LRP6: variants seen among roughly 807,000 people sequenced by gnomAD.
LRP6 encodes the protein low-density lipoprotein receptor-related protein 6.
Under a neutral mutation model 184.1 loss-of-function variants are expected in LRP6, and 43 were observed. The ratio of observed to expected loss-of-function variants is 0.23; its 90% CI spans 0.18 to 0.30. The LOEUF is 0.30. LRP6 is among the 10% of genes least tolerant of loss of function. The pLI is 1.00. For missense variants in LRP6, 1,571 were observed against 2,005.3 expected, an observed-to-expected ratio of 0.78 and a Z score of 4.14; for synonymous variants, 719 against 684.9, an observed-to-expected ratio of 1.05 and a Z score of -0.78.
At chr12:12,199,039 A>G (rs1863845652) in intron 3 of LRP6, among the ~76,000 whole-genome samples, 2 of 152,202 alleles carry the variant, frequency 1.3e-5, no homozygotes, top group South Asian at 2.1e-4. Context: ...AAACCATGCA[A>G]CAAGCCACCA....
chr12:12,246,845 T>A (rs926648726), intron 1 of LRP6, among the ~76,000 whole-genome samples: 3 of 152,160 alleles, frequency 2.0e-5, no homozygotes, highest in Admixed American at 2.0e-4. Flanking sequence ...AAGAAAAAAG[T>A]GATGTTTACA....
At chr12:12,131,697 A>G (rs1949760289) in intron 18 of LRP6, 124 bp downstream of exon 18, 1 of 797,242 alleles carries the variant, frequency 1.3e-6, no homozygotes, top group Non-Finnish European at 2.3e-6. Flanking sequence ...CACTATGATC[A>G]GAAGTGATAC....
intron 12 of LRP6, among the ~76,000 whole-genome samples, chr12:12,158,297 A>G (rs986633107): frequency 1.3e-5 from 2 of 152,136 alleles, no homozygotes; most frequent in Non-Finnish European, 2.9e-5. Flanking sequence ...TTTACACTTA[A>G]TATTTAATGT....
chr12:12,150,657 A>G (rs1181730752), intron 13 of LRP6, among the ~76,000 whole-genome samples, 179 bp downstream of exon 13: 2 of 152,196 alleles, frequency 1.3e-5, no homozygotes, highest in African/African-American at 4.8e-5. Context: ...ATCATCATCA[A>G]ACAATTGCTT....
intron 4 of LRP6, among the ~76,000 whole-genome samples, chr12:12,186,232 GTATAAGCCTAGCA>G (rs1863470420): frequency 6.6e-6 from 1 of 152,124 alleles, no homozygotes; most frequent in Non-Finnish European, 1.5e-5. Flanking sequence ...ACTCATTTGT[GTATAAGCCTAGCA>G]TATAAGCTAT....
intron 1 of LRP6, chr12:12,248,902 C>T (rs1865255873): frequency 3.0e-6 from 1 of 338,766 alleles, no homozygotes; most frequent in Admixed American, 4.4e-5. Context: ...AAACCTTCCA[C>T]TTCCTATATA....
At chr12:12,261,998 T>G (rs1200750752) in intron 1 of LRP6, among the ~76,000 whole-genome samples, 1 of 152,076 alleles carries the variant, frequency 6.6e-6, no homozygotes, top group Non-Finnish European at 1.5e-5. Context: ...ATCCCAACAC[T>G]TTGGGAGGCA....
rs563616862 is a variant in LRP6 at position 12,197,499 on chromosome 12, T to C, written c.647+5704A>G. Among the ~76,000 whole-genome samples, 4 of 152,296 alleles carry C rather than the reference T, an allele frequency of 2.6e-5. No individual in the cohort carries two copies. The East Asian group carries it at 7.7e-4, about 29-fold the overall frequency. On this transcript the variant is annotated intron_variant, in intron 3 of 22. Coordinates refer to ENST00000261349, the MANE Select transcript of LRP6 (RefSeq NM_002336.3). ...ACAGTCAGGAAACAAACAAACACAGTTGGGTACATATATTTTTGAAAGATA... is the reference window on the plus strand; with the variant it reads ...ACAGTCAGGAAACAAACAAACACAGCTGGGTACATATATTTTTGAAAGATA...
intron 7 of LRP6, 99 bp from the exon 8 acceptor site, chr12:12,165,394 T>A (rs1183820403): frequency 4.8e-6 from 4 of 841,732 alleles, no homozygotes; most frequent in Admixed American, 1.7e-5. Flanking sequence ...AATCCAAGAG[T>A]CATCTTGGTA....
At chr12:12,252,362 C>G (rs1865344526) in intron 1 of LRP6, among the ~76,000 whole-genome samples, 1 of 152,126 alleles carries the variant, frequency 6.6e-6, no homozygotes, top group Admixed American at 6.5e-5. Flanking sequence ...ATTCCCTTTA[C>G]CTTGTAAAAG....
Position 12,143,014 on chromosome 12 carries a change from A to T in LRP6, c.3397+4352T>A, listed in dbSNP as rs1591880278. Among the ~76,000 whole-genome samples the T allele has an allele frequency of 2.0e-5, 3 of 152,188 alleles. No homozygotes were observed. In the South Asian group the frequency reaches 6.2e-4, roughly 31 times the overall value. ...AACTCTCATTATTTGAAGAAACATG[A>T]TTCTATAACATAAAAAATCCTAAAG... On this transcript the variant is annotated intron_variant, in intron 15 of 22. Transcript: ENST00000261349.
At chr12:12,262,921 T>A (rs1227014135) in intron 1 of LRP6, among the ~76,000 whole-genome samples, 1 of 152,078 alleles carries the variant, frequency 6.6e-6, no homozygotes. Context: ...AATAAACTGG[T>A]GAGGCTCAAA....
At chr12:12,203,582 TG>T (rs1466315509) in intron 2 of LRP6, among the ~76,000 whole-genome samples, 182 bp from the exon 3 acceptor site, 2 of 152,040 alleles carry the variant, frequency 1.3e-5, no homozygotes, top group Non-Finnish European at 2.9e-5. Context: ...CTGGCCAACA[TG>T]GTAAAAACCC....
rs1863300573 is a variant in LRP6 at position 12,179,900 on chromosome 12, A to G, written c.1455T>C (p.Val485=). Residue 485 remains valine, a synonymous_variant, in exon 7 of 23, where the codon GTT becomes GTC. Transcript: ENST00000261349. ...CATTTGGCCAACCAAGAGAAGTGTT[A>G]ACCAATACTACACGGTCAGAACCAT... The part of the protein sequence containing the change: ...ALDGSDRVVL[V]NTSLGWPNGL... The G allele has an allele frequency of 6.2e-7, 1 of 1,613,898 alleles. No homozygotes were observed. The highest frequency in any genetic ancestry group is 1.3e-5 in the African/African-American group (1 of 74,930).
chr12:12,137,502 G>C (rs138734932), intron 16 of LRP6, among the ~76,000 whole-genome samples: 1,844 of 152,136 alleles, frequency 0.012, 41 homozygotes, highest in African/African-American at 0.041. Context: ...TATCCCAAAG[G>C]GGGGGAAAAA....
At chr12:12,254,719 AG>A (rs1865418073) in intron 1 of LRP6, among the ~76,000 whole-genome samples, 1 of 152,244 alleles carries the variant, frequency 6.6e-6, no homozygotes, top group Non-Finnish European at 1.5e-5. Context: ...TCTAAGTTAC[AG>A]TTGACTTTAT....
intron 7 of LRP6, among the ~76,000 whole-genome samples, chr12:12,169,234 GATAATA>G (rs544964479): frequency 6.7e-6 from 1 of 148,706 alleles, no homozygotes; most frequent in East Asian, 1.9e-4. Flanking sequence ...GCCTCAAAAT[GATAATA>G]ATAATAATAA....
In LRP6 at chr12:12,266,670, A is replaced by T. The variant is rs748581545; in HGVS notation, c.55+11T>A. 6.5e-6 allele frequency: 10 copies of T among 1,534,362 alleles called. No individual in the cohort carries two copies. The African/African-American group carries it at 6.8e-5, about 10-fold the overall frequency. ...ACCCCACCAACTTTCCAGTGCCCCC[A>T]CTCTTCCCACCTCTCAGGAGCACAC... On this transcript the variant is annotated intron_variant, in intron 1 of 22. Transcript: ENST00000261349.
At chr12:12,155,544 A>G in intron 12 of LRP6, 1 of 743,914 alleles carries the variant, frequency 1.3e-6, no homozygotes, top group Non-Finnish European at 2.4e-6. Context: ...CATATTCAGC[A>G]CGTTAAGCAC....
Sources: gnomAD v4.1 joint callset for allele counts (sites outside exome capture counted in the v4.1 genomes callset) on GRCh38, gnomAD v4.1.1 for gene constraint, MANE v1.5 for transcripts, NCBI Gene and HGNC (gene_info 2026-07-23, HGNC 2026-07-21) for gene names.